Variants in TLE1 observed in about 807,000 individuals in gnomAD.
The protein encoded by TLE1 is TLE family member 1, transcriptional corepressor.
Under a neutral mutation model 89.8 loss-of-function variants are expected in TLE1, and 21 were observed. The ratio of observed to expected loss-of-function variants is 0.23; its 90% CI spans 0.17 to 0.34. TLE1 has a LOEUF of 0.34. Among genes scored for constraint, TLE1 ranks in the 10% least tolerant of loss-of-function variants. The probability of loss-of-function intolerance (pLI) is 1.00; values close to 1 mark genes in which losing one functional copy is unlikely to be tolerated. For missense variants in TLE1, 795 were observed against 1,031.2 expected, an observed-to-expected ratio of 0.77 and a Z score of 3.14; for synonymous variants, 447 against 407.6, an observed-to-expected ratio of 1.10 and a Z score of -1.16.
intron 4 of TLE1, among the ~76,000 whole-genome samples, chr9:81,662,364 TGTGTGTG>T (rs1830918203): frequency 3.8e-5 from 2 of 53,214 alleles, no homozygotes; most frequent in South Asian, 2.2e-3. Flanking sequence ...GCCTGTTTTG[TGTGTGTG>T]TGTGTGTGTG....
intron 6 of TLE1, among the ~76,000 whole-genome samples, chr9:81,646,019 T>G (rs769857436): frequency 6.6e-6 from 1 of 152,118 alleles, no homozygotes; most frequent in Non-Finnish European, 1.5e-5. Flanking sequence ...CAAGTAAAAA[T>G]CACAGGAAAC....
At chr9:81,619,722 A>G (rs543429960) in intron 9 of TLE1, among the ~76,000 whole-genome samples, 1 of 152,340 alleles carries the variant, frequency 6.6e-6, no homozygotes, top group South Asian at 2.1e-4. Flanking sequence ...ATCGGCTGCA[A>G]TGTTTATAAC....
At chr9:81,607,549 T>C (rs1276568170) in intron 14 of TLE1, among the ~76,000 whole-genome samples, 1 of 152,220 alleles carries the variant, frequency 6.6e-6, no homozygotes, top group Non-Finnish European at 1.5e-5. Flanking sequence ...TCAGCTGAAC[T>C]TGGCCTTATT....
intron 4 of TLE1, among the ~76,000 whole-genome samples, chr9:81,661,985 T>G (rs1830855432): frequency 6.6e-6 from 1 of 152,184 alleles, no homozygotes; most frequent in African/African-American, 2.4e-5. Flanking sequence ...TTCAAGAGCA[T>G]GAAATTATTC....
intron 4 of TLE1, among the ~76,000 whole-genome samples, chr9:81,667,576 A>G (rs2132877400): frequency 6.6e-6 from 1 of 152,200 alleles, no homozygotes; most frequent in South Asian, 2.1e-4. Context: ...TAGGGAAAAC[A>G]GCTCTCTACA....
At position 81,592,937 on chromosome 9, in the gene TLE1, T is replaced by C. The variant is rs111864142; in HGVS notation, c.1581+88A>G. ...AGAAGGGGCTTCTATTTCCTCATAA[T>C]GGGAATAAAACCCAGGCCCACACAG... On this transcript the variant is annotated intron_variant, in intron 15 of 19. Transcript: ENST00000376499. 48 of 1,504,844 alleles carry C rather than the reference T, an allele frequency of 3.2e-5. No individual in the cohort carries two copies. In the African/African-American group the frequency reaches 5.4e-4, roughly 17 times the overall value. 93.2% of individuals were successfully genotyped at this position (1,504,844 alleles called of 1,614,324 possible). A position where few individuals can be genotyped will look rare whatever the true frequency, so the allele number is the denominator to read the frequency against.
intron 1 of TLE1, 137 bp downstream of exon 1, chr9:81,688,080 C>A: frequency 9.0e-7 from 1 of 1,112,200 alleles, no homozygotes; most frequent in Non-Finnish European, 1.3e-6. Flanking sequence ...GAAGAGAGGG[C>A]CCCAGACCTC....
At chr9:81,646,253 C>T (rs1411392368) in intron 6 of TLE1, among the ~76,000 whole-genome samples, 1 of 152,180 alleles carries the variant, frequency 6.6e-6, no homozygotes, top group Non-Finnish European at 1.5e-5. Context: ...ATTTGTCAGG[C>T]GCCTAGTTGT....
chr9:81,633,285 G>T, intron 8 of TLE1, 63 bp downstream of exon 8: 1 of 1,590,750 alleles, frequency 6.3e-7, no homozygotes. Flanking sequence ...GTCAGAAGGG[G>T]ACCGTGTGTG....
intron 14 of TLE1, among the ~76,000 whole-genome samples, chr9:81,608,238 A>T (rs1199889401): frequency 6.6e-6 from 1 of 151,896 alleles, no homozygotes; most frequent in Non-Finnish European, 1.5e-5. Context: ...TTATCCACTC[A>T]CCAATCAGTG....
At chr9:81,623,889 A>G (rs1825594025) in intron 8 of TLE1, among the ~76,000 whole-genome samples, 3 of 152,170 alleles carry the variant, frequency 2.0e-5, no homozygotes, top group Non-Finnish European at 4.4e-5. Context: ...AAGAGGCCAA[A>G]GCAACCACTG....
Position 81,616,122 on chromosome 9 carries a change from GAGA to G in TLE1, c.775_777del (p.Ser259del), listed in dbSNP as rs768354564. ...GGCGAGTGGGCAGGGCTTGCTCGCG[GAGA>G]AGAAGGGTCCTCAACAAGCATAATC... On this transcript the variant is annotated inframe_deletion, in exon 11 of 20. Transcript: ENST00000376499. The G allele has an allele frequency of 2.0e-5, 32 of 1,610,978 alleles. No homozygotes were observed. The Middle Eastern group carries it at 6.6e-4, about 33-fold the overall frequency.
chr9:81,651,521 T>C (rs1168221505), intron 6 of TLE1, among the ~76,000 whole-genome samples: 3 of 152,136 alleles, frequency 2.0e-5, no homozygotes, highest in African/African-American at 7.2e-5. Flanking sequence ...AATTAACAAT[T>C]CTTCCATGGC....
intron 6 of TLE1, among the ~76,000 whole-genome samples, chr9:81,639,697 C>T (rs2132444909): frequency 6.7e-6 from 1 of 149,724 alleles, no homozygotes; most frequent in East Asian, 2.0e-4. Context: ...ATTCTTTGTG[C>T]CTCAGCCTCC....
chr9:81,688,814 C>T lies in TLE1; in HGVS notation c.-574G>A, dbSNP rs1274670769. On this transcript the variant is annotated 5_prime_UTR_variant, in exon 1 of 20. Transcript: ENST00000376499. ...CGCAAGATTCGGCTGCGCCTTCGGC[C>T]GGGTGCTCGCAGGCTCCCGGGACGC... 1 of 152,362 alleles carries T rather than the reference C, an allele frequency of 6.6e-6. No individual in the cohort carries two copies. Among genetic ancestry groups the T allele is most frequent in the African/African-American group, 2.4e-5 (1 of 41,482 alleles). The allele number at this position is 152,362 out of a possible 1,614,324, so 9.4% of individuals were successfully genotyped here. A position where few individuals can be genotyped will look rare whatever the true frequency, so the allele number is the denominator to read the frequency against.
chr9:81,662,606 T>G (rs1263160799), intron 4 of TLE1, among the ~76,000 whole-genome samples: 2 of 151,090 alleles, frequency 1.3e-5, no homozygotes, highest in Non-Finnish European at 2.9e-5. Context: ...GCTGAGGTGG[T>G]AGAATAGCTT....
chr9:81,613,471 C>A lies in TLE1; in HGVS notation c.969G>T (p.Arg323=). Residue 323 remains arginine (R), a synonymous_variant, in exon 12 of 20, where the codon CGG becomes CGT. Coordinates refer to ENST00000376499, the MANE Select transcript of TLE1 (RefSeq NM_005077.5). ...TGGTGCCCGGCGTTGGCATGTCGCT[C>A]CGAGGCGTTGGTGTGCTGGATTTCA... The part of the protein sequence containing the change: ...PVLKSSTPTP[R]SDMPTPGTSA... 1 of 1,614,198 alleles carries A rather than the reference C, an allele frequency of 6.2e-7. No individual in the cohort carries two copies.
intron 6 of TLE1, among the ~76,000 whole-genome samples, chr9:81,636,456 T>A (rs1373681642): frequency 3.2e-5 from 2 of 62,036 alleles, no homozygotes; most frequent in South Asian, 7.4e-4. Context: ...GGGTGGGGGG[T>A]GGGGGGAATG....
intron 4 of TLE1, 44 bp downstream of exon 4, chr9:81,685,632 T>C (rs757455787): frequency 1.9e-6 from 3 of 1,598,516 alleles, no homozygotes; most frequent in African/African-American, 2.7e-5. Context: ...TTAAATCATA[T>C]GAACTGATGT....
Sources: gnomAD v4.1 joint callset for allele counts (sites outside exome capture counted in the v4.1 genomes callset) on GRCh38, gnomAD v4.1.1 for gene constraint, MANE v1.5 for transcripts, NCBI Gene and HGNC (gene_info 2026-07-23, HGNC 2026-07-21) for gene names.